Variants in CBFA2T2 observed in about 807,000 individuals in gnomAD.
CBFA2T2 encodes the protein protein CBFA2T2.
A neutral mutation model predicts 62.2 loss-of-function variants in CBFA2T2; 11 were observed. The ratio of observed to expected loss-of-function variants is 0.18; its 90% CI spans 0.11 to 0.29. CBFA2T2 has a LOEUF of 0.29. Ranked by LOEUF, CBFA2T2 falls within the 10% of genes least tolerant of loss-of-function variation. The probability of loss-of-function intolerance (pLI) is 1.00; values close to 1 mark genes in which losing one functional copy is unlikely to be tolerated. For synonymous variants in CBFA2T2, 295 were observed against 287.5 expected, an observed-to-expected ratio of 1.03 and a Z score of -0.27; for missense variants, 592 against 774.1, an observed-to-expected ratio of 0.76 and a Z score of 2.79.
chr20:33,640,552 G>A, intron 10 of CBFA2T2, 21 bp downstream of exon 10: 1 of 1,611,930 alleles, frequency 6.2e-7, no homozygotes, highest in Non-Finnish European at 8.5e-7. Flanking sequence ...TGCGCCCTGG[G>A]GGCTGGGGTG....
intron 1 of CBFA2T2, among the ~76,000 whole-genome samples, chr20:33,579,799 G>GTC (rs200197175): frequency 1.8e-4 from 27 of 147,284 alleles, no homozygotes; most frequent in South Asian, 4.3e-4. Flanking sequence ...ACATCTTGGT[G>GTC]TCTCTCTCTC....
chr20:33,601,959 C>T (rs536227827), intron 1 of CBFA2T2: 1 of 152,256 alleles, frequency 6.6e-6, no homozygotes, highest in South Asian at 2.1e-4. Context: ...CATGCGCCAC[C>T]ACATCCAGCT....
At chr20:33,531,685 G>A (rs1016305093) in intron 1 of CBFA2T2, among the ~76,000 whole-genome samples, 22 of 152,194 alleles carry the variant, frequency 1.4e-4, no homozygotes, top group African/African-American at 5.1e-4. Context: ...ATATGCCTGG[G>A]TGGGCGAGCT....
At chr20:33,497,166 A>C (rs748141027) in intron 1 of CBFA2T2, among the ~76,000 whole-genome samples, 1 of 149,696 alleles carries the variant, frequency 6.7e-6, no homozygotes, top group African/African-American at 2.5e-5. Flanking sequence ...CCAGCTACTC[A>C]GGAGGCTGAG....
At chr20:33,557,096 C>T (rs2012922512) in intron 1 of CBFA2T2, among the ~76,000 whole-genome samples, 1 of 138,692 alleles carries the variant, frequency 7.2e-6, no homozygotes, top group Non-Finnish European at 1.5e-5. Flanking sequence ...CTCACTGCAA[C>T]CTCCGCCTCC....
intron 8 of CBFA2T2, among the ~76,000 whole-genome samples, chr20:33,630,497 ACCACTCAAT>A (rs2016408834): frequency 6.6e-6 from 1 of 152,084 alleles, no homozygotes; most frequent in African/African-American, 2.4e-5. Flanking sequence ...TCAGGAAAAT[ACCACTCAAT>A]CCACCATGGC....
intron 1 of CBFA2T2, among the ~76,000 whole-genome samples, chr20:33,594,495 C>T (rs1358093354): frequency 1.3e-5 from 2 of 152,126 alleles, no homozygotes; most frequent in Non-Finnish European, 2.9e-5. Flanking sequence ...GCTGGGATTA[C>T]AGGTGTGAGC....
intron 1 of CBFA2T2, among the ~76,000 whole-genome samples, chr20:33,549,142 A>G (rs888187049): frequency 6.6e-6 from 1 of 152,248 alleles, no homozygotes; most frequent in Non-Finnish European, 1.5e-5. Context: ...TTGACAAACT[A>G]CTGATGAGAG....
rs1440333815 is a variant in CBFA2T2, at chr20:33,644,409, C to T, written c.1551C>T (p.Tyr517=). The change falls in exon 11 of 11, where the codon TAC becomes TAT. Residue 517 remains tyrosine, a synonymous_variant. Coordinates refer to ENST00000342704, the MANE Select transcript of CBFA2T2 (RefSeq NM_001032999.3). Reference sequence around the variant, plus strand: ...GCAGTGGCTGCAATATCGCGCGATACTGTGGCTCTTTCTGCCAGCACAAGG... The same window carrying T: ...GCAGTGGCTGCAATATCGCGCGATATTGTGGCTCTTTCTGCCAGCACAAGG... ...ETCSGCNIAR[Y]CGSFCQHKDW... 3.7e-6 allele frequency: 6 copies of T among 1,614,254 alleles called. No homozygotes were observed. The highest frequency in any genetic ancestry group is 5.1e-6 in the Non-Finnish European group (6 of 1,180,046).
chr20:33,497,274 C>CAAAAAAAAA (rs34528525), intron 1 of CBFA2T2, among the ~76,000 whole-genome samples: 5 of 58,080 alleles, frequency 8.6e-5, no homozygotes, highest in South Asian at 1.8e-3. Flanking sequence ...ACCCTGTCTC[C>CAAAAAAAAA]AAAAAAAAAA....
At chr20:33,617,914 G>C (rs2015771274) in intron 3 of CBFA2T2, among the ~76,000 whole-genome samples, 1 of 152,056 alleles carries the variant, frequency 6.6e-6, no homozygotes, top group Admixed American at 6.6e-5. Flanking sequence ...CAACATAATT[G>C]CACACTCAGA....
chr20:33,530,359 G>A (rs2012021722), intron 1 of CBFA2T2, among the ~76,000 whole-genome samples: 1 of 152,156 alleles, frequency 6.6e-6, no homozygotes, highest in Admixed American at 6.5e-5. Context: ...GCAATGCTTG[G>A]CATTCCACGT....
chr20:33,495,910 T>C (rs2146843118), intron 1 of CBFA2T2, among the ~76,000 whole-genome samples: 1 of 152,250 alleles, frequency 6.6e-6, no homozygotes, highest in African/African-American at 2.4e-5. Flanking sequence ...TTAATATATG[T>C]TAATATATGT....
At chr20:33,569,038 G>T (rs1481464954) in intron 1 of CBFA2T2, among the ~76,000 whole-genome samples, 1 of 152,210 alleles carries the variant, frequency 6.6e-6, no homozygotes. Context: ...GTCTGGAAAT[G>T]AATCTGTTTC....
chr20:33,642,938 G>A (rs1181770756), intron 10 of CBFA2T2, among the ~76,000 whole-genome samples: 2 of 152,146 alleles, frequency 1.3e-5, no homozygotes, highest in Non-Finnish European at 2.9e-5. Context: ...GTAGCCTCCA[G>A]GTGAGGTGCA....
At chr20:33,601,157 G>A (rs1013459267) in intron 1 of CBFA2T2, among the ~76,000 whole-genome samples, 1 of 152,002 alleles carries the variant, frequency 6.6e-6, no homozygotes, top group Non-Finnish European at 1.5e-5. Context: ...AGTCTAATCC[G>A]CCCACCTCAG....
chr20:33,617,505 C>T (rs1358283912), intron 3 of CBFA2T2, among the ~76,000 whole-genome samples: 1 of 152,218 alleles, frequency 6.6e-6, no homozygotes, highest in Non-Finnish European at 1.5e-5. Flanking sequence ...TCTGGCCTAA[C>T]TCACTATTTC....
At chr20:33,592,457 A>C (rs541243315) in intron 1 of CBFA2T2, among the ~76,000 whole-genome samples, 1 of 148,114 alleles carries the variant, frequency 6.8e-6, no homozygotes, top group Admixed American at 6.8e-5. Flanking sequence ...TATATATATA[A>C]AATTATGCTA....
rs2011137085 is a variant in CBFA2T2 at position 33,490,321 on chromosome 20, G to C, written c.34+20G>C. On this transcript the variant is annotated intron_variant, in intron 1 of 10. Coordinates refer to ENST00000342704, the MANE Select transcript of CBFA2T2 (RefSeq NM_001032999.3). ...TCCAGCGTAAGTGGGGCGTGAATGCGGGCGGCCGAGGGGGGCGTGTGAGGG... is the reference window on the plus strand; with the variant it reads ...TCCAGCGTAAGTGGGGCGTGAATGCCGGCGGCCGAGGGGGGCGTGTGAGGG... 7.8e-7 allele frequency: 1 copy of C among 1,282,544 alleles called. No individual in the cohort carries two copies. Among genetic ancestry groups the C allele is most frequent in the Non-Finnish European group, 9.9e-7 (1 of 1,015,154 alleles). The allele number at this position is 1,282,544 out of a possible 1,614,324, so 79.4% of individuals were successfully genotyped here.
Sources: gnomAD v4.1 joint callset for allele counts (sites outside exome capture counted in the v4.1 genomes callset) on GRCh38, gnomAD v4.1.1 for gene constraint, MANE v1.5 for transcripts, NCBI Gene and HGNC (gene_info 2026-07-23, HGNC 2026-07-21) for gene names.